The following RYR1 variants were observed in gnomAD, a reference collection of about 807,000 sequenced individuals.
RYR1 encodes central core disease of muscle.
RYR1 carries 342 observed loss-of-function variants against 583.5 expected under a neutral mutation model. The ratio of observed to expected loss-of-function variants is 0.59; its 90% CI spans 0.54 to 0.64. The LOEUF (loss-of-function observed/expected upper bound fraction) is 0.64, where lower values mean the gene tolerates loss of function less well. Among genes scored for constraint, RYR1 ranks in the 30% least tolerant of loss-of-function variants. The probability of loss-of-function intolerance (pLI) is 0.00; values close to 1 mark genes in which losing one functional copy is unlikely to be tolerated. For synonymous variants in RYR1, 2,791 were observed against 2,822.5 expected (o/e 0.99, Z 0.35); for missense variants, 6,032 against 6,917.2 (o/e 0.87, Z 4.54).
At chr19:38,562,466 C>G (rs1441968808) in intron 90 of RYR1, among the ~76,000 whole-genome samples, 1 of 152,108 alleles carries the variant, frequency 6.6e-6, no homozygotes, top group African/African-American at 2.4e-5. Context: ...CAGATGCCGC[C>G]AGGTACTTGC....
intron 84 of RYR1, among the ~76,000 whole-genome samples, chr19:38,539,568 C>G (rs1972117927): frequency 6.6e-6 from 1 of 152,090 alleles, no homozygotes; most frequent in Non-Finnish European, 1.5e-5. Context: ...TTAATTTTAA[C>G]TAAGATGGAA....
intron 1 of RYR1, among the ~76,000 whole-genome samples, chr19:38,436,523 C>A (rs1972435770): frequency 6.6e-6 from 1 of 152,072 alleles, no homozygotes. Context: ...TTCTTTCACT[C>A]AGCATAATAT....
Position 38,561,091 on chromosome 19 carries a change from T to G in RYR1, c.12283-22T>G. The G allele has an allele frequency of 6.2e-7, 1 of 1,604,414 alleles. No homozygotes were observed. Among genetic ancestry groups the G allele is most frequent in the Non-Finnish European group, 8.5e-7 (1 of 1,172,698 alleles). On this transcript the variant is annotated intron_variant, in intron 89 of 105. Coordinates refer to ENST00000359596, the MANE Select transcript of RYR1 (RefSeq NM_000540.3). The surrounding 1 kb of genome is among the most constrained non-coding windows in gnomAD (Gnocchi z 4.8). ...ATTGAGGCTCTCCAGGTCACCCCAC[T>G]GACCTCCCTGCCCGCCCCCAGGCCA...
intron 82 of RYR1, 117 bp downstream of exon 82, chr19:38,536,187 G>A: frequency 1.2e-6 from 1 of 867,862 alleles, no homozygotes; most frequent in Admixed American, 2.4e-5. Flanking sequence ...TGGTTCCCAA[G>A]GGCTCCCTCG....
intron 47 of RYR1, among the ~76,000 whole-genome samples, chr19:38,501,987 G>GAAA (rs58447433): frequency 6.8e-6 from 1 of 146,400 alleles, no homozygotes; most frequent in South Asian, 2.2e-4. Flanking sequence ...CCTTATCTCA[G>GAAA]AAAAAAAAAA....
chr19:38,558,611 T>G (rs1306580791), intron 89 of RYR1, among the ~76,000 whole-genome samples: 1 of 150,668 alleles, frequency 6.6e-6, no homozygotes, highest in Non-Finnish European at 1.5e-5. Context: ...AAACCCCATC[T>G]CTACTAAAAA....
chr19:38,458,024 C>T, intron 17 of RYR1, 27 bp from the exon 18 acceptor site: 3 of 1,611,898 alleles, frequency 1.9e-6, no homozygotes, highest in Admixed American at 1.7e-5. Context: ...TCCGTCATCC[C>T]CCTCTCCTGT....
At position 38,455,515 on chromosome 19, in the gene RYR1, C is replaced by A; in HGVS notation, c.1641C>A (p.Val547=). 1 of 1,614,114 alleles carries A rather than the reference C, an allele frequency of 6.2e-7. No individual in the cohort carries two copies. The highest frequency in any genetic ancestry group is 1.1e-5 in the South Asian group (1 of 91,072). ...ALFSTNLDWL[V]SKLDRLEASS... ...TCTCCACAAACTTGGACTGGCTGGT[C>A]AGCAAGCTGGATCGGCTGGAGGCCT... Residue 547 remains valine (V), a synonymous_variant, in exon 15 of 106, where the codon GTC becomes GTA. Coordinates refer to ENST00000359596, the MANE Select transcript of RYR1 (RefSeq NM_000540.3).
At chr19:38,476,870 G>C (rs564803699) in intron 29 of RYR1, among the ~76,000 whole-genome samples, 7 of 152,164 alleles carry the variant, frequency 4.6e-5, no homozygotes, top group African/African-American at 1.7e-4. Flanking sequence ...GAGTTAATCT[G>C]TGTAGACCTT....
At chr19:38,548,564 TGG>T (rs1436103469) in intron 89 of RYR1, 144 bp downstream of exon 89, 10 of 754,222 alleles carry the variant, frequency 1.3e-5, no homozygotes, top group Non-Finnish European at 2.2e-5. Flanking sequence ...AAACAGTCCT[TGG>T]GTTATATGTA....
chr19:38,492,908 A>G (rs987942344), intron 38 of RYR1, among the ~76,000 whole-genome samples: 5 of 152,106 alleles, frequency 3.3e-5, no homozygotes, highest in African/African-American at 1.2e-4. Context: ...CTTCTCCACT[A>G]AAAATACAAA....
chr19:38,586,074 T>C lies in RYR1; in HGVS notation c.14869-17T>C. 6.2e-7 allele frequency: 1 copy of C among 1,614,068 alleles called. No individual in the cohort carries two copies. ...GGTCAAGTGGGCCTCCACTCTGATG[T>C]CTCTTGCCACTCACAGACCAAGTGC... On this transcript the variant is annotated splice_polypyrimidine_tract_variant and intron_variant, in intron 103 of 105. Transcript: ENST00000359596.
chr19:38,543,922 A>G lies in RYR1; in HGVS notation c.12012+47A>G, dbSNP rs2145776840. On this transcript the variant is annotated intron_variant, in intron 87 of 105. Coordinates refer to ENST00000359596, the MANE Select transcript of RYR1 (RefSeq NM_000540.3). This position sits in a 1 kb window ranked among gnomAD's most constrained non-coding sequence, Gnocchi z 4.4. ...ATCCACCTGCTTCCGGGCGTCCCCC[A>G]AGTGGTCCATTTCCAAGTCTTGCCC... 2 of 1,564,408 alleles carry G rather than the reference A, an allele frequency of 1.3e-6. No individual in the cohort carries two copies. The highest frequency in any genetic ancestry group is 4.5e-4 in the Middle Eastern group (2 of 4,490).
chr19:38,539,425 G>A (rs1006346910), intron 84 of RYR1, among the ~76,000 whole-genome samples: 3 of 151,698 alleles, frequency 2.0e-5, no homozygotes, highest in African/African-American at 7.3e-5. Context: ...TTTTTGTAGA[G>A]ATGAGATCTC....
At chr19:38,482,450 T>C (rs1370461545) in intron 31 of RYR1, among the ~76,000 whole-genome samples, 1 of 151,996 alleles carries the variant, frequency 6.6e-6, no homozygotes, top group Non-Finnish European at 1.5e-5. Flanking sequence ...TGAGGACACT[T>C]CCTGGAATTT....
chr19:38,541,847 T>C (rs1198239204), intron 84 of RYR1, among the ~76,000 whole-genome samples: 5 of 150,730 alleles, frequency 3.3e-5, no homozygotes, highest in Non-Finnish European at 7.4e-5. Flanking sequence ...CTATGGGAGG[T>C]CAAGGTAGGA....
chr19:38,527,670 C>T lies in RYR1; in HGVS notation c.10710C>T (p.Arg3570=), dbSNP rs2145719885. The T allele has an allele frequency of 1.2e-6, 2 of 1,614,194 alleles. No homozygotes were observed. The highest frequency in any genetic ancestry group is 1.3e-5 in the African/African-American group (1 of 75,068). The change falls in exon 73 of 106, where the codon CGC becomes CGT. Residue 3570 remains arginine, a synonymous_variant. Transcript: ENST00000359596. ...AGGTCGAAGGCTCCCCGTCTCTGCG[C>T]TGGCAGATGGCTCTGTACCGGGGCG... ...QGKVEGSPSL[R]WQMALYRGVP...
At chr19:38,505,445 C>A in intron 53 of RYR1, 47 bp downstream of exon 53, 1 of 1,362,236 alleles carries the variant, frequency 7.3e-7, no homozygotes, top group Non-Finnish European at 1.0e-6. Context: ...ATGAAACCCC[C>A]AAATTTGAGG....
At chr19:38,523,803 C>T in intron 69 of RYR1, 112 bp from the exon 70 acceptor site, 3 of 1,400,098 alleles carry the variant, frequency 2.1e-6, no homozygotes, top group Non-Finnish European at 3.0e-6. Context: ...CTAGAGAATA[C>T]ATGGCGGGTG....
Sources: allele counts gnomAD v4.1 joint callset (sites outside exome capture counted in the v4.1 genomes callset), GRCh38; gene constraint gnomAD v4.1.1; non-coding constraint Gnocchi (gnomAD v3.1); transcripts MANE v1.5; gene names NCBI Gene and HGNC (gene_info 2026-07-23, HGNC 2026-07-21).